The following CSTF3 variants were observed in gnomAD, a reference collection of about 807,000 sequenced individuals.
CSTF3 encodes cleavage stimulation factor subunit 3.
In CSTF3, 29 loss-of-function variants were observed where a neutral mutation model predicts 105.8. The observed-to-expected ratio is 0.27, with a 90% CI of 0.20 to 0.37. The LOEUF is 0.37. Among genes scored for constraint, CSTF3 ranks in the 10% least tolerant of loss-of-function variants. The pLI is 1.00. For synonymous variants in CSTF3, 252 were observed against 281.9 expected (o/e 0.89, Z 1.06); for missense variants, 357 against 879.3 (o/e 0.41, Z 7.51).
At chr11:33,159,591 A>G in intron 1 of CSTF3, among the ~76,000 whole-genome samples, 1 of 85,400 alleles carries the variant, frequency 1.2e-5, no homozygotes, top group Non-Finnish European at 2.2e-5. Flanking sequence ...GCAAGGCTCC[A>G]TCTCAAAAAA....
chr11:33,100,950 C>A (rs1855275152), intron 10 of CSTF3, among the ~76,000 whole-genome samples: 1 of 152,118 alleles, frequency 6.6e-6, no homozygotes, highest in Admixed American at 6.5e-5. Context: ...ATCAGACCAA[C>A]CCTCAGCAAG....
rs564368288 is a variant in CSTF3, at chr11:33,107,734, G to A, written c.356+169C>T. ...ATTCTCCAGAGTAAGACTCATGCCA[G>A]TGACTTTCTCTGAAGCACTTTTTTC... On this transcript the variant is annotated intron_variant, in intron 5 of 20. Coordinates refer to ENST00000323959, the MANE Select transcript of CSTF3 (RefSeq NM_001326.3). Among the ~76,000 whole-genome samples, 10 of 152,364 alleles carry A rather than the reference G, an allele frequency of 6.6e-5. No homozygotes were observed. The South Asian group carries it at 2.1e-3, about 32-fold the overall frequency.
chr11:33,141,513 C>A (rs1015728591), intron 3 of CSTF3, 154 bp downstream of exon 3: 19 of 1,320,834 alleles, frequency 1.4e-5, no homozygotes, highest in South Asian at 2.6e-5. Context: ...TTCAAAAATT[C>A]ATTTTAATTA....
chr11:33,092,476 T>A, intron 15 of CSTF3, 136 bp from the exon 16 acceptor site: 1 of 532,668 alleles, frequency 1.9e-6, no homozygotes, highest in Admixed American at 4.1e-5. Context: ...TTGATTTTTA[T>A]AGATGAGGAA....
intron 1 of CSTF3, among the ~76,000 whole-genome samples, chr11:33,154,487 CTTTCTTT>C (rs1849832589): frequency 1.6e-4 from 5 of 30,662 alleles, no homozygotes; most frequent in South Asian, 1.2e-3. Flanking sequence ...CTCCGTAAGA[CTTTCTTT>C]TTTTTTTTTT....
chr11:33,110,720 T>C (rs1378476994), intron 3 of CSTF3, among the ~76,000 whole-genome samples: 2 of 152,054 alleles, frequency 1.3e-5, no homozygotes, highest in Admixed American at 1.3e-4. Context: ...GAAAGACAAA[T>C]TAAAATAATA....
chr11:33,115,233 A>C (rs189829142), intron 3 of CSTF3, among the ~76,000 whole-genome samples: 35 of 152,298 alleles, frequency 2.3e-4, no homozygotes, highest in African/African-American at 7.9e-4. Flanking sequence ...ACTTGTATTA[A>C]TTATCCAAAA....
At position 33,114,549 on chromosome 11, in the gene CSTF3, TG is replaced by T. The variant is rs139620686; in HGVS notation, c.226-6132del. Reference sequence around the variant, plus strand: ...GAATCATTATACAATTAACTTGAAATGGTTTAAAAACATATTTGAGGCTGGG... The same window carrying T: ...GAATCATTATACAATTAACTTGAAATGTTTAAAAACATATTTGAGGCTGGG... On this transcript the variant is annotated intron_variant, in intron 3 of 20. Transcript: ENST00000323959. 5.1e-3 allele frequency among the ~76,000 whole-genome samples: 772 copies of T among 152,226 alleles called. 6 individuals carry two copies. Among genetic ancestry groups the T allele is most frequent in the African/African-American group, 0.018 (737 of 41,546 alleles).
chr11:33,097,489 G>A lies in CSTF3; in HGVS notation c.1129-511C>T, dbSNP rs562127734. On this transcript the variant is annotated intron_variant, in intron 13 of 20. Coordinates refer to ENST00000323959, the MANE Select transcript of CSTF3 (RefSeq NM_001326.3). ...GGGTCAAGCCATTCTCCTGCCTCAGGCTCCCAAGTAGCTGGGACTACAGGC... is the reference window on the plus strand; with the variant it reads ...GGGTCAAGCCATTCTCCTGCCTCAGACTCCCAAGTAGCTGGGACTACAGGC... 1.4e-4 allele frequency among the ~76,000 whole-genome samples: 22 copies of A among 152,068 alleles called. No homozygotes were observed. In the South Asian group the frequency reaches 3.9e-3, roughly 27 times the overall value.
Position 33,161,379 on chromosome 11 carries a change from A to T in CSTF3, c.-54T>A. On this transcript the variant is annotated 5_prime_UTR_variant, in exon 1 of 21. Coordinates refer to ENST00000323959, the MANE Select transcript of CSTF3 (RefSeq NM_001326.3). ...GACCGTCGATGGGAAGCTAGAAAAG[A>T]AAAATTAAACTAAAAACCACCCCCA... 6.2e-7 allele frequency: 1 copy of T among 1,604,900 alleles called. No homozygotes were observed. Among genetic ancestry groups the T allele is most frequent in the Admixed American group, 1.7e-5 (1 of 59,972 alleles).
chr11:33,151,585 T>C (rs529329656), intron 1 of CSTF3, among the ~76,000 whole-genome samples: 1 of 152,322 alleles, frequency 6.6e-6, no homozygotes, highest in East Asian at 1.9e-4. Flanking sequence ...TATCCTACAT[T>C]TGTTTATGTA....
In CSTF3 at chr11:33,145,989, C is replaced by A. The variant is rs930802294; in HGVS notation, c.28-4003G>T. Among the ~76,000 whole-genome samples, 3 of 152,134 alleles carry A rather than the reference C, an allele frequency of 2.0e-5. 1 individual carries two copies. The highest frequency in any genetic ancestry group is 4.1e-4 in the South Asian group (2 of 4,828). ...CGATGGCTCAGGCCTGTAATCCCAGCACTTTGGGAGGCTGAGGCGAGTGGA... is the reference window on the plus strand; with the variant it reads ...CGATGGCTCAGGCCTGTAATCCCAGAACTTTGGGAGGCTGAGGCGAGTGGA... On this transcript the variant is annotated intron_variant, in intron 1 of 20. Transcript: ENST00000323959.
At chr11:33,095,044 G>A (rs1339487274) in intron 15 of CSTF3, among the ~76,000 whole-genome samples, 3 of 151,938 alleles carry the variant, frequency 2.0e-5, no homozygotes, top group Admixed American at 6.6e-5. Context: ...GATTACAGGC[G>A]CCTGCCACCA....
chr11:33,143,008 G>A (rs1855732932), intron 1 of CSTF3, among the ~76,000 whole-genome samples: 1 of 152,094 alleles, frequency 6.6e-6, no homozygotes, highest in South Asian at 2.1e-4. Flanking sequence ...GGAACCCTTG[G>A]GGTTCCTGGA....
At chr11:33,111,166 G>C (rs1295519547) in intron 3 of CSTF3, among the ~76,000 whole-genome samples, 1 of 152,116 alleles carries the variant, frequency 6.6e-6, no homozygotes, top group Non-Finnish European at 1.5e-5. Flanking sequence ...GGAGGCAGAG[G>C]TTGCAGTGAG....
intron 4 of CSTF3, 100 bp from the exon 5 acceptor site, chr11:33,108,100 G>A (rs1399756443): frequency 4.3e-6 from 3 of 700,660 alleles, no homozygotes; most frequent in Non-Finnish European, 6.6e-6. Context: ...CTCCCTTTAT[G>A]AATTTATCTC....
intron 3 of CSTF3, among the ~76,000 whole-genome samples, chr11:33,131,217 A>T (rs1855595416): frequency 6.6e-6 from 1 of 152,224 alleles, no homozygotes; most frequent in Non-Finnish European, 1.5e-5. Context: ...ATTTTATACA[A>T]AGGATAACCT....
At chr11:33,095,819 C>CAA (rs71034651) in intron 15 of CSTF3, among the ~76,000 whole-genome samples, 26,218 of 145,528 alleles carry the variant, frequency 0.18, 3,089 homozygotes, top group East Asian at 0.34. Flanking sequence ...GACTCTGTCT[C>CAA]AAATAAATAA....
Position 33,099,122 on chromosome 11 carries a change from T to A in CSTF3, c.965A>T (p.Asp322Val). ...GDMNNAKLFS[D>V]EAANIYERAI... is the part of the protein sequence containing the mutation. ...TCTTTCATATATATTAGCAGCTTCA[T>A]CACTAAATAATTTGGCATTATTCAT... The change falls in exon 12 of 21, where the codon GAT (aspartate) becomes GTT (valine). Residue 322 changes from aspartate to valine, a missense_variant. By Grantham distance (152) the Asp-to-Val change is radical (BLOSUM62 -3). Transcript: ENST00000323959. This position sits in a 1 kb window ranked among gnomAD's most constrained non-coding sequence, Gnocchi z 4.1. 1 of 1,579,326 alleles carries A rather than the reference T, an allele frequency of 6.3e-7. No homozygotes were observed. The highest frequency in any genetic ancestry group is 8.5e-7 in the Non-Finnish European group (1 of 1,172,754).
Sources: gnomAD v4.1 joint callset for allele counts (sites outside exome capture counted in the v4.1 genomes callset) on GRCh38, gnomAD v4.1.1 for gene constraint, Gnocchi (gnomAD v3.1) non-coding constraint, MANE v1.5 for transcripts, NCBI Gene and HGNC (gene_info 2026-07-23, HGNC 2026-07-21) for gene names.